CPEB3: variants seen among roughly 807,000 people sequenced by gnomAD.
The protein encoded by CPEB3 is cytoplasmic polyadenylation element-binding protein 3.
In CPEB3, 20 loss-of-function variants were observed where a neutral mutation model predicts 67.2. The ratio of observed to expected loss-of-function variants is 0.30; its 90% CI spans 0.21 to 0.43. The LOEUF is 0.43. Ranked by LOEUF, CPEB3 falls within the 20% of genes least tolerant of loss-of-function variation. CPEB3 has a pLI of 1.00. For missense variants in CPEB3, 746 were observed against 968.6 expected, an observed-to-expected ratio of 0.77 and a Z score of 3.05; for synonymous variants, 376 against 393.1, an observed-to-expected ratio of 0.96 and a Z score of 0.51.
At chr10:92,069,920 A>G (rs1045510742) in intron 9 of CPEB3, among the ~76,000 whole-genome samples, 3 of 152,340 alleles carry the variant, frequency 2.0e-5, no homozygotes, top group East Asian at 1.9e-4. Flanking sequence ...ACTAAAGGGA[A>G]TATCAACCAC....
intron 2 of CPEB3, among the ~76,000 whole-genome samples, chr10:92,202,016 TTGA>T (rs1481693021): frequency 6.6e-6 from 1 of 152,184 alleles, no homozygotes; most frequent in Non-Finnish European, 1.5e-5. Flanking sequence ...AATTGTTCTT[TTGA>T]TGAATTCATC....
intron 2 of CPEB3, among the ~76,000 whole-genome samples, chr10:92,200,413 C>T (rs113544254): frequency 2.6e-5 from 4 of 151,878 alleles, no homozygotes; most frequent in African/African-American, 7.3e-5. Context: ...GGCGTGGTGG[C>T]GCATGCCTGT....
chr10:92,276,554 C>G (rs1393103575), intron 1 of CPEB3, among the ~76,000 whole-genome samples: 2 of 152,236 alleles, frequency 1.3e-5, no homozygotes, highest in Non-Finnish European at 2.9e-5. Flanking sequence ...GCTGGAATTA[C>G]AGGCGTGAGC....
At chr10:92,081,543 G>A in intron 8 of CPEB3, 42 bp from the exon 9 acceptor site, 1 of 1,546,018 alleles carries the variant, frequency 6.5e-7, no homozygotes, top group Non-Finnish European at 8.9e-7. Context: ...TAAATATCTG[G>A]GAGGTACTCT....
intron 1 of CPEB3, among the ~76,000 whole-genome samples, chr10:92,248,687 A>T (rs1852168643): frequency 6.6e-6 from 1 of 152,156 alleles, no homozygotes. Flanking sequence ...ATAGAAAACC[A>T]TTTTGGCTTT....
rs1173492265 is a variant in CPEB3 at position 92,180,225 on chromosome 10, T to C, written c.1222+738A>G. 2.0e-5 allele frequency among the ~76,000 whole-genome samples: 3 copies of C among 152,168 alleles called. No homozygotes were observed. The East Asian group carries it at 5.8e-4, about 29-fold the overall frequency. ...AAGTTTTTGCTGCTTTAGAACTTGA[T>C]CAAACAATTATACTGACAAAACTGT... is the stretch of plus-strand genomic sequence containing the variant. On this transcript the variant is annotated intron_variant, in intron 4 of 9. Coordinates refer to ENST00000265997, the MANE Select transcript of CPEB3 (RefSeq NM_014912.5).
intron 8 of CPEB3, among the ~76,000 whole-genome samples, chr10:92,088,524 T>G (rs1019431717): frequency 3.9e-5 from 6 of 152,278 alleles, no homozygotes; most frequent in African/African-American, 1.4e-4. Flanking sequence ...TTGCCTTTTT[T>G]CTTTAAGAGG....
At chr10:92,154,073 T>C (rs1847092579) in intron 4 of CPEB3, among the ~76,000 whole-genome samples, 1 of 152,114 alleles carries the variant, frequency 6.6e-6, no homozygotes, top group Non-Finnish European at 1.5e-5. Context: ...AATAGTTTCA[T>C]GGAGAGCATA....
chr10:92,239,259 T>C lies in CPEB3; in HGVS notation c.1005+87A>G, dbSNP rs1851689007. Reference sequence around the variant, plus strand: ...GCTGGACATTGCTGCCCTTTTTAAATATAAGCGGGTGGATGATTAAAAGTC... The same window carrying C: ...GCTGGACATTGCTGCCCTTTTTAAACATAAGCGGGTGGATGATTAAAAGTC... On this transcript the variant is annotated intron_variant, in intron 2 of 9. Coordinates refer to ENST00000265997, the MANE Select transcript of CPEB3 (RefSeq NM_014912.5). The surrounding 1 kb of genome is among the most constrained non-coding windows in gnomAD (Gnocchi z 6.0). The C allele has an allele frequency of 3.5e-6, 5 of 1,426,164 alleles. No homozygotes were observed. Among genetic ancestry groups the C allele is most frequent in the African/African-American group, 1.4e-5 (1 of 70,516 alleles). 88.3% of individuals were successfully genotyped at this position (1,426,164 alleles called of 1,614,324 possible).
chr10:92,144,954 T>C lies in CPEB3; in HGVS notation c.1354A>G (p.Ile452Val), dbSNP rs1409471338. ...AATGAATGCATAGTACCTTCATCAA[T>C]ATCAGGAGGAAGTCCTCCAACAAAC... The part of the protein sequence containing the change: ...KVFVGGLPPD[I>V]DEDEITASFR... Residue 452 changes from isoleucine to valine, a missense_variant, in exon 5 of 10, where the codon ATT (isoleucine) becomes GTT (valine). By Grantham distance (29) the Ile-to-Val change is conservative. This residue lies in a region of CPEB3 where 643 missense variants were observed against 717.5 expected (regional missense o/e 0.90). Coordinates refer to ENST00000265997, the MANE Select transcript of CPEB3 (RefSeq NM_014912.5). The C allele has an allele frequency of 6.2e-7, 1 of 1,614,010 alleles. No individual in the cohort carries two copies. The highest frequency in any genetic ancestry group is 8.5e-7 in the Non-Finnish European group (1 of 1,179,992).
At chr10:92,255,936 G>C (rs966267497) in intron 1 of CPEB3, among the ~76,000 whole-genome samples, 1 of 152,114 alleles carries the variant, frequency 6.6e-6, no homozygotes, top group African/African-American at 2.4e-5. Context: ...TAGGTCTCCG[G>C]ATGAAATGTT....
chr10:92,240,255 T>A lies in CPEB3; in HGVS notation c.96A>T (p.Val32=). The A allele has an allele frequency of 6.6e-7, 1 of 1,515,036 alleles. No individual in the cohort carries two copies. 93.8% of individuals were successfully genotyped at this position (1,515,036 alleles called of 1,614,324 possible). Residue 32 remains valine, a synonymous_variant, in exon 2 of 10, where the codon GTA becomes GTT. Coordinates refer to ENST00000265997, the MANE Select transcript of CPEB3 (RefSeq NM_014912.5). The stretch of plus-strand genomic sequence containing the variant: ...AGAGGGGCGTGGACGGGGCTTCGGA[T>A]ACGCTGGACTCAGGTTGGGGCTGCT... The part of the protein sequence containing the change: ...QQQQPQPESS[V]SEAPSTPLSS...
At chr10:92,263,701 T>C (rs1159929228) in intron 1 of CPEB3, among the ~76,000 whole-genome samples, 6 of 152,104 alleles carry the variant, frequency 3.9e-5, no homozygotes, top group African/African-American at 1.4e-4. Context: ...TTTAAAAAAA[T>C]ATTTTGTAGA....
At chr10:92,209,380 C>T (rs1274675500) in intron 2 of CPEB3, among the ~76,000 whole-genome samples, 1 of 152,062 alleles carries the variant, frequency 6.6e-6, no homozygotes, top group Admixed American at 6.6e-5. Flanking sequence ...CAAAAATTAG[C>T]TGGGCGTGGT....
At chr10:92,121,424 T>C (rs892596526) in intron 6 of CPEB3, among the ~76,000 whole-genome samples, 1 of 149,206 alleles carries the variant, frequency 6.7e-6, no homozygotes, top group Non-Finnish European at 1.5e-5. Flanking sequence ...TGAGCGAGCA[T>C]GCACGCAAAA....
At chr10:92,262,077 T>C (rs1756399044) in intron 1 of CPEB3, among the ~76,000 whole-genome samples, 1 of 152,218 alleles carries the variant, frequency 6.6e-6, no homozygotes, top group South Asian at 2.1e-4. Context: ...TCTGAAGTCA[T>C]ATCTGTTCTC....
At chr10:92,277,131 A>C (rs1426311914) in intron 1 of CPEB3, among the ~76,000 whole-genome samples, 1 of 152,178 alleles carries the variant, frequency 6.6e-6, no homozygotes, top group Non-Finnish European at 1.5e-5. Context: ...CCTTTCCAGC[A>C]AAAAAAGTTT....
chr10:92,147,152 C>G (rs1010659281), intron 4 of CPEB3, among the ~76,000 whole-genome samples: 7 of 152,104 alleles, frequency 4.6e-5, no homozygotes, highest in Non-Finnish European at 1.0e-4. Flanking sequence ...ACGAAAAGTT[C>G]TACAGTAAAG....
chr10:92,112,268 C>T (rs970767510), intron 6 of CPEB3, among the ~76,000 whole-genome samples: 2 of 151,794 alleles, frequency 1.3e-5, no homozygotes, highest in African/African-American at 2.4e-5. Context: ...CCTCAGCCTC[C>T]CAAGTAGCTG....
Sources: allele counts gnomAD v4.1 joint callset (sites outside exome capture counted in the v4.1 genomes callset), GRCh38; gene constraint gnomAD v4.1.1; regional missense constraint gnomAD v4.1.1; non-coding constraint Gnocchi (gnomAD v3.1); transcripts MANE v1.5; gene names NCBI Gene and HGNC (gene_info 2026-07-23, HGNC 2026-07-21).